The following NUBPL variants were observed in gnomAD, a reference collection of about 807,000 sequenced individuals.
NUBPL encodes the protein iron-sulfur cluster transfer protein NUBPL.
A neutral mutation model predicts 45.7 loss-of-function variants in NUBPL; 31 were observed. The observed-to-expected ratio is 0.68, with a 90% CI of 0.51 to 0.92. NUBPL has a LOEUF of 0.92. Ranked by LOEUF, NUBPL falls within the 40% of genes least tolerant of loss-of-function variation. NUBPL has a pLI of 0.00. For synonymous variants in NUBPL, 144 were observed against 140.9 expected, an observed-to-expected ratio of 1.02 and a Z score of -0.15; for missense variants, 401 against 398.7, an observed-to-expected ratio of 1.01 and a Z score of -0.05.
At chr14:31,841,920 T>C (rs912803267) in intron 8 of NUBPL, among the ~76,000 whole-genome samples, 2 of 81,024 alleles carry the variant, frequency 2.5e-5, no homozygotes, top group African/African-American at 8.9e-5. Flanking sequence ...TTCTGGGCTT[T>C]TTTTTTTTTT....
intron 8 of NUBPL, among the ~76,000 whole-genome samples, chr14:31,838,274 T>G (rs762819325): frequency 1.2e-5 from 1 of 84,528 alleles, no homozygotes; most frequent in Non-Finnish European, 2.0e-5. Context: ...TAACCTAATA[T>G]CCAGCAAAAA....
At chr14:31,729,363 G>A (rs1049840081) in intron 6 of NUBPL, among the ~76,000 whole-genome samples, 2 of 143,358 alleles carry the variant, frequency 1.4e-5, no homozygotes, top group Admixed American at 1.5e-4. Context: ...GAACAAAATG[G>A]GTGTGGCCCT....
At position 31,814,242 on chromosome 14, in the gene NUBPL, G is replaced by A. The variant is rs900517849; in HGVS notation, c.608-12387G>A. On this transcript the variant is annotated intron_variant, in intron 7 of 10. Coordinates refer to ENST00000281081, the MANE Select transcript of NUBPL (RefSeq NM_025152.3). ...ATTGCCATTCTAACTGGCATAAGAT[G>A]GTATCTCATTGTGGTTTTGATTTGC... Among the ~76,000 whole-genome samples the A allele has an allele frequency of 4.6e-5, 7 of 152,148 alleles. 1 individual carries two copies. Among genetic ancestry groups the A allele is most frequent in the African/African-American group, 1.7e-4 (7 of 41,432 alleles).
At chr14:31,663,783 A>G (rs544674535) in intron 4 of NUBPL, among the ~76,000 whole-genome samples, 20 of 152,284 alleles carry the variant, frequency 1.3e-4, no homozygotes, top group South Asian at 4.1e-4. Flanking sequence ...AAGAAAGTCA[A>G]TGGTAGCTTG....
At position 31,561,422 on chromosome 14, in the gene NUBPL, A is replaced by C; in HGVS notation, c.-18A>C. The stretch of plus-strand genomic sequence containing the variant: ...CCGCGACAGTTTCCCAGCAGGGCTC[A>C]CAGCAGCGTTCCGCGTCATGGGGAT... On this transcript the variant is annotated 5_prime_UTR_variant, in exon 1 of 11. Coordinates refer to ENST00000281081, the MANE Select transcript of NUBPL (RefSeq NM_025152.3). 2 of 1,366,796 alleles carry C rather than the reference A, an allele frequency of 1.5e-6. No individual in the cohort carries two copies. Among genetic ancestry groups the C allele is most frequent in the Non-Finnish European group, 1.9e-6 (2 of 1,045,532 alleles). 84.7% of individuals were successfully genotyped at this position (1,366,796 alleles called of 1,614,324 possible).
intron 7 of NUBPL, among the ~76,000 whole-genome samples, chr14:31,797,905 C>A (rs1474533463): frequency 7.2e-6 from 1 of 138,648 alleles, no homozygotes; most frequent in African/African-American, 2.8e-5. Context: ...GCGCTTCCTT[C>A]AGGAGCTCTT....
At chr14:31,619,110 G>A (rs1185856182) in intron 4 of NUBPL, among the ~76,000 whole-genome samples, 2 of 152,114 alleles carry the variant, frequency 1.3e-5, no homozygotes, top group African/African-American at 4.8e-5. Context: ...CGCAACCCAT[G>A]CTATTTTTTT....
At chr14:31,649,073 G>C (rs182882311) in intron 4 of NUBPL, among the ~76,000 whole-genome samples, 1 of 152,158 alleles carries the variant, frequency 6.6e-6, no homozygotes, top group Non-Finnish European at 1.5e-5. Flanking sequence ...CTCCCAAAGT[G>C]CTGGGATTTA....
intron 10 of NUBPL, among the ~76,000 whole-genome samples, chr14:31,851,387 G>C (rs1246128386): frequency 6.6e-6 from 1 of 152,118 alleles, no homozygotes; most frequent in Non-Finnish European, 1.5e-5. Flanking sequence ...GGTTAGAGCT[G>C]TAAAGTAAGA....
chr14:31,674,966 C>A lies in NUBPL; in HGVS notation c.513+1392C>A, dbSNP rs2036658295. On this transcript the variant is annotated intron_variant, in intron 6 of 10. Coordinates refer to ENST00000281081, the MANE Select transcript of NUBPL (RefSeq NM_025152.3). ...CCTGGCTAACACGGTGAAACCCCAT[C>A]TCTACTAAAAATACAAAAAAATTAG... Among the ~76,000 whole-genome samples, 11 of 152,074 alleles carry A rather than the reference C, an allele frequency of 7.2e-5. No homozygotes were observed. In the South Asian group the frequency reaches 2.3e-3, roughly 32 times the overall value.
intron 7 of NUBPL, among the ~76,000 whole-genome samples, chr14:31,798,064 C>T (rs9743593): frequency 0.13 from 18,835 of 149,108 alleles, 3,442 homozygotes; most frequent in African/African-American, 0.41. Context: ...ATATTGGCCC[C>T]CACTCTCTTC....
intron 4 of NUBPL, among the ~76,000 whole-genome samples, chr14:31,621,639 A>T (rs904557395): frequency 6.6e-6 from 1 of 152,178 alleles, no homozygotes; most frequent in Non-Finnish European, 1.5e-5. Flanking sequence ...ACCAGTCCCA[A>T]TGAAATGAAC....
intron 4 of NUBPL, among the ~76,000 whole-genome samples, chr14:31,630,066 T>C (rs2139658805): frequency 6.6e-6 from 1 of 152,330 alleles, no homozygotes; most frequent in African/African-American, 2.4e-5. Flanking sequence ...TGCCTTTCTC[T>C]ATTATTACAA....
chr14:31,574,681 C>G (rs2033676342), intron 3 of NUBPL, among the ~76,000 whole-genome samples: 1 of 149,720 alleles, frequency 6.7e-6, no homozygotes, highest in Non-Finnish European at 1.5e-5. Flanking sequence ...ACCTTTGCCT[C>G]CCGGGTTCAA....
intron 3 of NUBPL, 50 bp from the exon 4 acceptor site, chr14:31,599,239 A>C: frequency 2.2e-6 from 3 of 1,346,852 alleles, no homozygotes; most frequent in Non-Finnish European, 3.2e-6. Flanking sequence ...GAACAATCTT[A>C]TGGTAAAGTG....
chr14:31,859,300 A>C lies in NUBPL; in HGVS notation c.*120A>C, dbSNP rs1566602957. On this transcript the variant is annotated 3_prime_UTR_variant, in exon 11 of 11. Coordinates refer to ENST00000281081, the MANE Select transcript of NUBPL (RefSeq NM_025152.3). ...ATCATAACTGTTTTATTTCTAAGGA[A>C]AGAATGTCTTCATATTTGACTTGCT... The C allele has an allele frequency of 1.2e-6, 1 of 851,180 alleles. No individual in the cohort carries two copies. The highest frequency in any genetic ancestry group is 2.0e-6 in the Non-Finnish European group (1 of 508,354). 52.7% of individuals were successfully genotyped at this position (851,180 alleles called of 1,614,324 possible).
At position 31,838,133 on chromosome 14, in the gene NUBPL, T is replaced by C. The variant is rs117563765; in HGVS notation, c.694-8338T>C. 8.9e-3 allele frequency among the ~76,000 whole-genome samples: 1,360 copies of C among 152,250 alleles called. 11 individuals are homozygous for C. The highest frequency in any genetic ancestry group is 0.011 in the Non-Finnish European group (769 of 68,008). On this transcript the variant is annotated intron_variant, in intron 8 of 10. Coordinates refer to ENST00000281081, the MANE Select transcript of NUBPL (RefSeq NM_025152.3). ...CATTCATCATATTTGCTAAAATTTA[T>C]AAAAACTGATGGTACCAAAGATCCA...
At chr14:31,808,766 C>T (rs1429763100) in intron 7 of NUBPL, among the ~76,000 whole-genome samples, 1 of 152,098 alleles carries the variant, frequency 6.6e-6, no homozygotes, top group Non-Finnish European at 1.5e-5. Context: ...TCATAAATAG[C>T]TCTTATTATT....
At chr14:31,576,093 A>G (rs1319186962) in intron 3 of NUBPL, among the ~76,000 whole-genome samples, 1 of 152,220 alleles carries the variant, frequency 6.6e-6, no homozygotes, top group Non-Finnish European at 1.5e-5. Context: ...TAAGAAATGG[A>G]AATACTCATT....
Sources: gnomAD v4.1 joint callset for allele counts (sites outside exome capture counted in the v4.1 genomes callset) on GRCh38, gnomAD v4.1.1 for gene constraint, MANE v1.5 for transcripts, NCBI Gene and HGNC (gene_info 2026-07-23, HGNC 2026-07-21) for gene names.